The following WDR41 variants were observed in gnomAD, a reference collection of about 807,000 sequenced individuals.
WDR41 encodes the protein WD repeat-containing protein 41.
In WDR41, 63 loss-of-function variants were observed where a neutral mutation model predicts 69.3. The observed-to-expected ratio is 0.91, with a 90% CI of 0.74 to 1.12. The LOEUF is 1.12. Among genes scored for constraint, WDR41 ranks in the 50% most tolerant of loss-of-function variants. The pLI, the probability that WDR41 is intolerant of heterozygous loss-of-function variation, is 0.00. For synonymous variants in WDR41, 185 were observed against 192.1 expected (o/e 0.96, Z 0.31); for missense variants, 543 against 534.5 (o/e 1.02, Z -0.16).
chr5:77,496,866 G>A (rs571855946), upstream of WDR41, among the ~76,000 whole-genome samples: 387 of 152,222 alleles, frequency 2.5e-3, no homozygotes, highest in African/African-American at 8.8e-3. Flanking sequence ...AACTTACCAC[G>A]AAGTTAAAGT....
chr5:77,603,944 T>C (rs1324481742), intron 1 of WDR41, among the ~76,000 whole-genome samples: 1 of 152,186 alleles, frequency 6.6e-6, no homozygotes, highest in Non-Finnish European at 1.5e-5. Context: ...TGTCTGTTTT[T>C]ATACCAATAC....
intron 1 of WDR41, among the ~76,000 whole-genome samples, chr5:77,517,400 CA>C (rs1156671711): frequency 2.0e-5 from 3 of 151,476 alleles, no homozygotes; most frequent in South Asian, 4.2e-4. Context: ...AAAACAAAAA[CA>C]AAAAAAACAG....
intron 1 of WDR41, among the ~76,000 whole-genome samples, chr5:77,596,505 T>C (rs1428038184): frequency 6.6e-6 from 1 of 152,148 alleles, no homozygotes; most frequent in African/African-American, 2.4e-5. Flanking sequence ...ACTTTTTTTT[T>C]TCAGTGCTTC....
At chr5:77,514,333 T>G (rs1802260609) in intron 1 of WDR41, among the ~76,000 whole-genome samples, 1 of 152,230 alleles carries the variant, frequency 6.6e-6, no homozygotes, top group Admixed American at 6.5e-5. Flanking sequence ...TTTTTCTCAT[T>G]AACTTCTTTC....
chr5:77,607,178 A>T (rs542277260), intron 1 of WDR41, among the ~76,000 whole-genome samples: 4 of 152,230 alleles, frequency 2.6e-5, no homozygotes, highest in Non-Finnish European at 5.9e-5. Context: ...TCAAACTATT[A>T]TTAGATAAAA....
intron 2 of WDR41, among the ~76,000 whole-genome samples, chr5:77,471,625 A>G (rs1800616931): frequency 6.6e-6 from 1 of 152,182 alleles, no homozygotes; most frequent in Non-Finnish European, 1.5e-5. Flanking sequence ...AATACAAACT[A>G]CCATCAGAGA....
chr5:77,473,377 G>C (rs1017697124), intron 2 of WDR41, among the ~76,000 whole-genome samples: 79 of 152,152 alleles, frequency 5.2e-4, no homozygotes, highest in Non-Finnish European at 1.0e-3. Context: ...TCAGGACATA[G>C]GCATGAGCAA....
At chr5:77,442,101 C>T (rs1392070718) in intron 8 of WDR41, among the ~76,000 whole-genome samples, 1 of 152,070 alleles carries the variant, frequency 6.6e-6, no homozygotes, top group African/African-American at 2.4e-5. Flanking sequence ...CCCTACTATA[C>T]ATTAGTATTT....
At chr5:77,597,442 C>T (rs545704279) in intron 1 of WDR41, among the ~76,000 whole-genome samples, 1 of 152,332 alleles carries the variant, frequency 6.6e-6, no homozygotes, top group African/African-American at 2.4e-5. Flanking sequence ...TGGCCCTGAT[C>T]TGAGTTTGGC....
At chr5:77,606,210 C>T (rs1041704541) in intron 1 of WDR41, among the ~76,000 whole-genome samples, 2 of 152,154 alleles carry the variant, frequency 1.3e-5, no homozygotes, top group African/African-American at 2.4e-5. Context: ...AGAGATTATA[C>T]GAGCCTAACT....
At chr5:77,581,295 T>C (rs2112290873) in intron 1 of WDR41, among the ~76,000 whole-genome samples, 1 of 152,326 alleles carries the variant, frequency 6.6e-6, no homozygotes, top group East Asian at 1.9e-4. Context: ...AAGGTCAATC[T>C]ACCATGAAGA....
intron 9 of WDR41, among the ~76,000 whole-genome samples, chr5:77,439,651 G>A (rs1384956030): frequency 1.3e-5 from 2 of 152,156 alleles, no homozygotes; most frequent in Admixed American, 6.5e-5. Flanking sequence ...TGCTATCCCC[G>A]CTATCAATAA....
At chr5:77,509,420 T>C (rs1035284625) in intron 1 of WDR41, among the ~76,000 whole-genome samples, 2 of 152,170 alleles carry the variant, frequency 1.3e-5, no homozygotes, top group East Asian at 3.9e-4. Context: ...CTTGTACATG[T>C]ATGTTTATAG....
intron 5 of WDR41, 86 bp from the exon 6 acceptor site, chr5:77,454,014 T>G: frequency 9.8e-7 from 1 of 1,019,412 alleles, no homozygotes; most frequent in South Asian, 1.4e-5. Flanking sequence ...ACAAGTTCTT[T>G]AACCCCTTCC....
intron 1 of WDR41, among the ~76,000 whole-genome samples, chr5:77,595,483 T>C (rs1744211304): frequency 6.6e-6 from 1 of 152,168 alleles, no homozygotes; most frequent in Admixed American, 6.5e-5. Flanking sequence ...CAAAACCACA[T>C]TATACAGCAG....
chr5:77,586,306 T>TTATG (rs546084119), intron 1 of WDR41, among the ~76,000 whole-genome samples: 4,076 of 151,662 alleles, frequency 0.027, 69 homozygotes, highest in African/African-American at 0.049. Context: ...ATTTATGTAT[T>TTATG]TATTTATTTA....
intron 1 of WDR41, among the ~76,000 whole-genome samples, chr5:77,524,614 T>TG: frequency 4.2e-5 from 1 of 23,698 alleles, no homozygotes; most frequent in Non-Finnish European, 7.7e-5. Context: ...TAAGACACAA[T>TG]TTTTTTTTTG....
chr5:77,501,159 G>A (rs1198119358), intron 1 of WDR41, among the ~76,000 whole-genome samples: 7 of 152,256 alleles, frequency 4.6e-5, no homozygotes, highest in Non-Finnish European at 1.0e-4. Context: ...GGAAAAACAG[G>A]ACACTTCTGC....
intron 8 of WDR41, among the ~76,000 whole-genome samples, chr5:77,447,605 T>C (rs1799434864): frequency 6.6e-6 from 1 of 152,256 alleles, no homozygotes; most frequent in African/African-American, 2.4e-5. Flanking sequence ...AATGAGATCA[T>C]GTCCTTTGCA....
Sources: gnomAD v4.1 joint callset for allele counts (sites outside exome capture counted in the v4.1 genomes callset) on GRCh38, gnomAD v4.1.1 for gene constraint, MANE v1.5 for transcripts, NCBI Gene and HGNC (gene_info 2026-07-23, HGNC 2026-07-21) for gene names.